Variants in BSN observed in about 807,000 individuals in gnomAD.
The protein encoded by BSN is bassoon presynaptic cytomatrix protein, also known as protein bassoon.
Under a neutral mutation model 264.8 loss-of-function variants are expected in BSN, and 57 were observed. That is an observed-to-expected ratio of 0.22 (90% CI 0.17 to 0.27). The LOEUF is 0.27. BSN is among the 10% of genes least tolerant of loss of function. BSN has a pLI of 1.00. For missense variants in BSN, 4,615 were observed against 5,232.5 expected, an observed-to-expected ratio of 0.88 and a Z score of 3.64; for synonymous variants, 2,059 against 2,137.3, an observed-to-expected ratio of 0.96 and a Z score of 1.01.
intron 1 of BSN, among the ~76,000 whole-genome samples, chr3:49,574,191 C>A (rs1173691511): frequency 7.1e-6 from 1 of 141,732 alleles, no homozygotes; most frequent in Non-Finnish European, 1.5e-5. Context: ...TGGTCTTGAA[C>A]TCCTGGGCTA....
Position 49,663,824 on chromosome 3 carries a change from C to G in BSN, c.11546C>G (p.Ala3849Gly). The G allele has an allele frequency of 6.2e-7, 1 of 1,614,152 alleles. No homozygotes were observed. The highest frequency in any genetic ancestry group is 8.5e-7 in the Non-Finnish European group (1 of 1,180,032). Residue 3849 changes from alanine (A) to glycine (G), a missense_variant, in exon 8 of 12, where the codon GCC (alanine) becomes GGC (glycine). Ala to Gly is a moderately conservative substitution (Grantham distance 60, BLOSUM62 0). Coordinates refer to ENST00000296452, the MANE Select transcript of BSN (RefSeq NM_003458.4). ...CAGACAAATGGCTCTAAAGGGACAG[C>G]CAAAGCACCGCAACAGGGGAGGGCT... ...AEQTNGSKGT[A>G]KAPQQGRAPQ...
intron 1 of BSN, among the ~76,000 whole-genome samples, chr3:49,605,039 C>G (rs1048388689): frequency 1.3e-5 from 2 of 151,150 alleles, no homozygotes; most frequent in Non-Finnish European, 2.9e-5. Context: ...GTGGGCAGAT[C>G]ACCTGAGGTC....
chr3:49,617,318 T>TATAA (rs1425307719), intron 1 of BSN, among the ~76,000 whole-genome samples: 30 of 135,552 alleles, frequency 2.2e-4, no homozygotes, highest in African/African-American at 7.9e-4. Flanking sequence ...TATATATATA[T>TATAA]AATTTTATAA....
rs184065729 is a variant in BSN, at chr3:49,625,173, C to G, written c.423C>G (p.Ser141=). ...GCAGGACACAGAGATCAGGGCGGTCCCCCTCAGTGTCACCGGACAGAGGCA... is the reference window on the plus strand; with the variant it reads ...GCAGGACACAGAGATCAGGGCGGTCGCCCTCAGTGTCACCGGACAGAGGCA... The part of the protein sequence containing the change: ...VDSRTQRSGR[S]PSVSPDRGST... The change falls in exon 2 of 12, where the codon TCC becomes TCG. Residue 141 remains serine, a synonymous_variant. Coordinates refer to ENST00000296452, the MANE Select transcript of BSN (RefSeq NM_003458.4). The surrounding 1 kb of genome is among the most constrained non-coding windows in gnomAD (Gnocchi z 4.4). 1.1e-5 allele frequency: 18 copies of G among 1,568,524 alleles called. 1 individual carries two copies. The East Asian group carries it at 3.9e-4, about 34-fold the overall frequency.
intron 1 of BSN, among the ~76,000 whole-genome samples, chr3:49,579,789 G>A (rs1194036619): frequency 3.8e-5 from 3 of 79,212 alleles, no homozygotes; most frequent in East Asian, 6.1e-4. Context: ...GCATAAAAAG[G>A]TATTGAATTG....
At chr3:49,556,349 T>C (rs2051671456) in intron 1 of BSN, among the ~76,000 whole-genome samples, 1 of 152,230 alleles carries the variant, frequency 6.6e-6, no homozygotes, top group Admixed American at 6.5e-5. Context: ...CCTGGGCAGC[T>C]CAGAGGGACC....
At position 49,662,971 on chromosome 3, in the gene BSN, T is replaced by C. The variant is rs766576250; in HGVS notation, c.10813T>C (p.Ser3605Pro). The change falls in exon 7 of 12, where the codon TCC (serine) becomes CCC (proline). Residue 3605 changes from serine (S) to proline (P), a missense_variant. Ser to Pro is a moderately conservative substitution (Grantham distance 74). Around this residue, in one of 3 missense-constraint regions of BSN, gnomAD observed 3,415 missense variants for 3,866.4 expected, o/e 0.88. Coordinates refer to ENST00000296452, the MANE Select transcript of BSN (RefSeq NM_003458.4). ...FRHHGGHAVS[S>P]SSQKRGPARH... ...GCACCACGGGGGCCATGCAGTTTCC[T>C]CCTCCTCCCAGAAGCGAGGCCCTGC... The C allele has an allele frequency of 1.9e-6, 3 of 1,614,010 alleles. No individual in the cohort carries two copies. The African/African-American group carries it at 4.0e-5, about 22-fold the overall frequency.
chr3:49,605,305 A>G (rs1253920851), intron 1 of BSN, among the ~76,000 whole-genome samples: 1 of 98,926 alleles, frequency 1.0e-5, no homozygotes, highest in Non-Finnish European at 1.9e-5. Context: ...TATATATTAT[A>G]TATTATATTA....
At position 49,655,253 on chromosome 3, in the gene BSN, A is replaced by G. The variant is rs2052588387; in HGVS notation, c.5697A>G (p.Ala1899=). 1.2e-6 allele frequency: 2 copies of G among 1,613,018 alleles called. No individual in the cohort carries two copies. The highest frequency in any genetic ancestry group is 8.5e-7 in the Non-Finnish European group (1 of 1,179,982). ...GGATGAGGCCTGAGAGCCAGCTGGC[A>G]TGCTGTGACATGGTCTACAAGCTCC... ...LTGMRPESQL[A]CCDMVYKLPF... Residue 1899 remains alanine, a synonymous_variant, in exon 5 of 12, where the codon GCA becomes GCG. Transcript: ENST00000296452.
rs200034237 is a variant in BSN at position 49,654,374 on chromosome 3, C to T, written c.4818C>T (p.Pro1606=). 2.0e-5 allele frequency: 32 copies of T among 1,608,918 alleles called. No homozygotes were observed. The East Asian group carries it at 6.5e-4, about 32-fold the overall frequency. Reference sequence around the variant, plus strand: ...CACCTCCGAGTGTGTCTCAGCTGCCCCCAGAGCCACCTGGGCCACCTGGCT... The same window carrying T: ...CACCTCCGAGTGTGTCTCAGCTGCCTCCAGAGCCACCTGGGCCACCTGGCT... The part of the protein sequence containing the change: ...QTTPPSVSQL[P]PEPPGPPGFP... Residue 1606 remains proline (P), a synonymous_variant, in exon 5 of 12, where the codon CCC becomes CCT. Coordinates refer to ENST00000296452, the MANE Select transcript of BSN (RefSeq NM_003458.4). This position sits in a 1 kb window ranked among gnomAD's most constrained non-coding sequence, Gnocchi z 4.1.
chr3:49,604,122 C>CT, intron 1 of BSN, among the ~76,000 whole-genome samples: 1 of 151,666 alleles, frequency 6.6e-6, no homozygotes. Flanking sequence ...TGGGGTCTCA[C>CT]TATGTTACCC....
chr3:49,554,526 C>T lies in BSN; in HGVS notation c.-77C>T. On this transcript the variant is annotated 5_prime_UTR_variant, in exon 1 of 12. Transcript: ENST00000296452. ...GAGATGGCGGCGGCAGCGGCGGCGC[C>T]GAGAGTGTGAGCACCGCCCGGGAGC... 4.3e-6 allele frequency: 2 copies of T among 469,674 alleles called. No individual in the cohort carries two copies. Among genetic ancestry groups the T allele is most frequent in the Non-Finnish European group, 5.6e-6 (2 of 359,130 alleles). 29.1% of individuals were successfully genotyped at this position (469,674 alleles called of 1,614,324 possible).
At position 49,625,115 on chromosome 3, in the gene BSN, C is replaced by G; in HGVS notation, c.365C>G (p.Ala122Gly). ...TRAQGPAGQE[A>G]DGPRRTLQVD... ...GCACAGGGACCAGCAGGCCAGGAGG[C>G]TGATGGTCCCCGCAGGACGCTGCAG... Residue 122 changes from alanine (A) to glycine (G), a missense_variant, in exon 2 of 12, where the codon GCT (alanine) becomes GGT (glycine). Physicochemically the swap from Ala to Gly is moderately conservative, Grantham distance 60. Transcript: ENST00000296452. This position sits in a 1 kb window ranked among gnomAD's most constrained non-coding sequence, Gnocchi z 4.4. 6.2e-7 allele frequency: 1 copy of G among 1,604,118 alleles called. No homozygotes were observed. The highest frequency in any genetic ancestry group is 8.5e-7 in the Non-Finnish European group (1 of 1,175,320).
At position 49,656,299 on chromosome 3, in the gene BSN, C is replaced by T. The variant is rs1339878797; in HGVS notation, c.6743C>T (p.Ala2248Val). ...LTSLTRVPMI[A>V]PRVPLGPTGL... ...AGTCTGACACGTGTGCCCATGATTG[C>T]CCCCCGGGTACCTCTTGGACCCACA... Residue 2248 changes from alanine (A) to valine (V), a missense_variant, in exon 5 of 12, where the codon GCC (alanine) becomes GTC (valine). By Grantham distance (64) the Ala-to-Val change is moderately conservative (BLOSUM62 0). This residue lies in a region of BSN where 3,415 missense variants were observed against 3,866.4 expected (regional missense o/e 0.88). Coordinates refer to ENST00000296452, the MANE Select transcript of BSN (RefSeq NM_003458.4). 9.9e-6 allele frequency: 16 copies of T among 1,612,874 alleles called. No homozygotes were observed.
chr3:49,611,449 C>T (rs2052205927), intron 1 of BSN, among the ~76,000 whole-genome samples: 1 of 152,120 alleles, frequency 6.6e-6, no homozygotes, highest in Non-Finnish European at 1.5e-5. Flanking sequence ...CTGGGGCTGG[C>T]TGGGGAGCAG....
intron 1 of BSN, among the ~76,000 whole-genome samples, chr3:49,579,331 A>C (rs969854122): frequency 6.6e-6 from 1 of 151,790 alleles, no homozygotes; most frequent in East Asian, 1.9e-4. Context: ...ATTTCATTGT[A>C]TGGATGTACC....
At position 49,653,012 on chromosome 3, in the gene BSN, G is replaced by A. The variant is rs745787833; in HGVS notation, c.3456G>A (p.Glu1152=). Residue 1152 remains glutamate, a synonymous_variant, in exon 5 of 12, where the codon GAG becomes GAA. Coordinates refer to ENST00000296452, the MANE Select transcript of BSN (RefSeq NM_003458.4). This position sits in a 1 kb window ranked among gnomAD's most constrained non-coding sequence, Gnocchi z 6.3. ...GCCGGCTTTACAAGTCAGGCAGTGA[G>A]TACAACCTGCCCACCTTCATGTCCC... ...GPSRLYKSGS[E]YNLPTFMSLY... 5.6e-6 allele frequency: 9 copies of A among 1,613,496 alleles called. No homozygotes were observed. The South Asian group carries it at 8.8e-5, about 16-fold the overall frequency.
At chr3:49,617,283 T>TTATATATATATATATATATATTTA (rs2052267179) in intron 1 of BSN, among the ~76,000 whole-genome samples, 22 of 122,068 alleles carry the variant, frequency 1.8e-4, no homozygotes, top group Admixed American at 7.0e-4. Flanking sequence ...ATAAAATACA[T>TTATATATATATATATATATATTTA]TATATATATA....
In BSN at chr3:49,654,581, T is replaced by G. The variant is rs1414390072; in HGVS notation, c.5025T>G (p.Thr1675=). Residue 1675 remains threonine, a synonymous_variant, in exon 5 of 12, where the codon ACT becomes ACG. Coordinates refer to ENST00000296452, the MANE Select transcript of BSN (RefSeq NM_003458.4). This position sits in a 1 kb window ranked among gnomAD's most constrained non-coding sequence, Gnocchi z 4.1. ...VVDLRTAVKP[T]PIILTDQGMD... is the part of the protein sequence containing the mutation. ...ACCTCCGTACAGCTGTCAAGCCCAC[T>G]CCCATCATCCTCACTGACCAGGGCA... 2 of 1,612,138 alleles carry G rather than the reference T, an allele frequency of 1.2e-6. No individual in the cohort carries two copies. The highest frequency in any genetic ancestry group is 8.5e-7 in the Non-Finnish European group (1 of 1,178,778).
Sources: allele counts gnomAD v4.1 joint callset (sites outside exome capture counted in the v4.1 genomes callset), GRCh38; gene constraint gnomAD v4.1.1; regional missense constraint gnomAD v4.1.1; non-coding constraint Gnocchi (gnomAD v3.1); transcripts MANE v1.5; gene names NCBI Gene and HGNC (gene_info 2026-07-23, HGNC 2026-07-21).